The following RPS6KA6 variants were observed in gnomAD, a reference collection of about 807,000 sequenced individuals.
The protein encoded by RPS6KA6 is ribosomal protein S6 kinase alpha-6.
Under a neutral mutation model 65.4 loss-of-function variants are expected in RPS6KA6, and 27 were observed. The ratio of observed to expected loss-of-function variants is 0.41; its 90% CI spans 0.30 to 0.57. The LOEUF is 0.57. RPS6KA6 is among the 20% of genes least tolerant of loss of function. The pLI is 0.24. For missense variants in RPS6KA6, 486 were observed against 555.6 expected (o/e 0.87, Z 1.26); for synonymous variants, 190 against 184.2 (o/e 1.03, Z -0.26).
At chrX:84,117,277 C>G (rs2034586277) in intron 10 of RPS6KA6, 107 bp downstream of exon 10, 1 of 639,919 alleles carries the variant, frequency 1.6e-6, no homozygotes, top group East Asian at 3.7e-5. Flanking sequence ...GGGAACAAGA[C>G]AGTGAGAAAA....
chrX:84,117,510 A>G lies in RPS6KA6; in HGVS notation c.790-56T>C, dbSNP rs1195279539. 24 of 750,903 alleles carry G rather than the reference A, an allele frequency of 3.2e-5. No individual in the cohort carries two copies. In the South Asian group the frequency reaches 8.6e-4, roughly 27 times the overall value. 61.9% of individuals were successfully genotyped at this position (750,903 alleles called of 1,213,427 possible). ...ATTAGAACACCTTAGAATATATAAT[A>G]AGATTCTCTAGAAAAAAACTGAGAC... On this transcript the variant is annotated intron_variant, in intron 9 of 21. Transcript: ENST00000262752.
chrX:84,077,208 T>C (rs914278711), intron 20 of RPS6KA6, among the ~76,000 whole-genome samples: 7 of 111,483 alleles, frequency 6.3e-5, no homozygotes, highest in African/African-American at 2.3e-4. Flanking sequence ...TTCAAAATCC[T>C]AGCAGGCTTC....
intron 6 of RPS6KA6, among the ~76,000 whole-genome samples, chrX:84,142,350 G>A (rs1196314792): frequency 9.0e-6 from 1 of 110,884 alleles, no homozygotes; most frequent in Non-Finnish European, 1.9e-5. Context: ...AAACTTGTGA[G>A]ATGACCCTAA....
intron 20 of RPS6KA6, among the ~76,000 whole-genome samples, chrX:84,074,680 C>T (rs2033621342): frequency 9.0e-6 from 1 of 110,984 alleles, no homozygotes; most frequent in Admixed American, 9.6e-5. Flanking sequence ...TTAAGAAAAA[C>T]AAATTTGACA....
intron 13 of RPS6KA6, among the ~76,000 whole-genome samples, chrX:84,107,314 G>C (rs1393972938): frequency 9.0e-6 from 1 of 111,593 alleles, no homozygotes; most frequent in Non-Finnish European, 1.9e-5. Flanking sequence ...GTAAAAGACA[G>C]AGTAATATAT....
At chrX:84,144,938 A>G (rs1209178647) in intron 6 of RPS6KA6, among the ~76,000 whole-genome samples, 1 of 111,052 alleles carries the variant, frequency 9.0e-6, no homozygotes, top group African/African-American at 3.3e-5. Context: ...ATATGATTCC[A>G]TTTATATAAA....
chrX:84,132,899 T>G (rs1482510546), intron 8 of RPS6KA6, among the ~76,000 whole-genome samples: 1 of 103,921 alleles, frequency 9.6e-6, no homozygotes, highest in Non-Finnish European at 2.0e-5. Context: ...TGGAGAATTT[T>G]TAAAGTGGAC....
At chrX:84,092,980 C>A (rs2034078871) in intron 20 of RPS6KA6, among the ~76,000 whole-genome samples, 1 of 112,038 alleles carries the variant, frequency 8.9e-6, no homozygotes, top group Non-Finnish European at 1.9e-5. Context: ...TGTGTATATA[C>A]ACAATGAAAC....
At chrX:84,068,994 T>C (rs939233934) in intron 20 of RPS6KA6, among the ~76,000 whole-genome samples, 3 of 111,961 alleles carry the variant, frequency 2.7e-5, no homozygotes, top group African/African-American at 9.7e-5. Flanking sequence ...GTGCCCAAAG[T>C]AATTTATAGA....
chrX:84,106,632 G>A, intron 14 of RPS6KA6, 145 bp from the exon 15 acceptor site: 1 of 481,635 alleles, frequency 2.1e-6, no homozygotes, highest in Non-Finnish European at 3.3e-6. Context: ...TAAATGGCGT[G>A]AACCAATCCT....
chrX:84,149,326 A>G (rs184733671), intron 3 of RPS6KA6, among the ~76,000 whole-genome samples: 42 of 111,907 alleles, frequency 3.8e-4, no homozygotes, highest in Admixed American at 1.4e-3. Flanking sequence ...TGATATTTTG[A>G]CTTCCTCCCA....
At chrX:84,151,250 T>G (rs1468916307) in intron 3 of RPS6KA6, among the ~76,000 whole-genome samples, 7 of 100,359 alleles carry the variant, frequency 7.0e-5, no homozygotes, top group African/African-American at 2.5e-4. Flanking sequence ...TATATATAGA[T>G]ATATATATAT....
At chrX:84,143,764 G>A (rs987997120) in intron 6 of RPS6KA6, among the ~76,000 whole-genome samples, 4 of 111,121 alleles carry the variant, frequency 3.6e-5, no homozygotes, top group East Asian at 2.8e-4. Context: ...TCAAGGACTC[G>A]CACTGCCTCA....
At chrX:84,096,468 C>A (rs1745124794) in intron 19 of RPS6KA6, among the ~76,000 whole-genome samples, 157 bp from the exon 20 acceptor site, 1 of 111,360 alleles carries the variant, frequency 9.0e-6, no homozygotes, top group Non-Finnish European at 1.9e-5. Context: ...ATATTTCAAA[C>A]CATAAATTTA....
At chrX:84,074,416 CAGAT>C (rs775784922) in intron 20 of RPS6KA6, among the ~76,000 whole-genome samples, 18 of 111,160 alleles carry the variant, frequency 1.6e-4, no homozygotes, top group Admixed American at 3.8e-4. Flanking sequence ...AAATTATAGA[CAGAT>C]AGGAGAAGTA....
intron 20 of RPS6KA6, among the ~76,000 whole-genome samples, chrX:84,066,499 G>A (rs2033407820): frequency 9.0e-6 from 1 of 110,776 alleles, no homozygotes; most frequent in African/African-American, 3.3e-5. Flanking sequence ...AGGGGGCCGG[G>A]AGGTTTGGAC....
intron 18 of RPS6KA6, among the ~76,000 whole-genome samples, chrX:84,100,044 C>T (rs776686299): frequency 5.4e-4 from 60 of 110,774 alleles, no homozygotes; most frequent in African/African-American, 1.6e-3. Context: ...CTTTTGAAAG[C>T]GTCTGAAATT....
intron 6 of RPS6KA6, among the ~76,000 whole-genome samples, chrX:84,138,459 A>G (rs1211853607): frequency 9.0e-6 from 1 of 111,112 alleles, no homozygotes; most frequent in African/African-American, 3.3e-5. Context: ...AGGCGGAGGC[A>G]TGAGGATTGC....
intron 20 of RPS6KA6, among the ~76,000 whole-genome samples, chrX:84,083,116 G>T (rs2033839039): frequency 8.9e-6 from 1 of 112,507 alleles, no homozygotes; most frequent in Admixed American, 9.4e-5. Flanking sequence ...TTAAACTAAA[G>T]AGCTTTTGCA....
Sources: gnomAD v4.1 joint callset for allele counts (sites outside exome capture counted in the v4.1 genomes callset) on GRCh38, gnomAD v4.1.1 for gene constraint, MANE v1.5 for transcripts, NCBI Gene and HGNC (gene_info 2026-07-23, HGNC 2026-07-21) for gene names.